Variants in PTPRD observed in about 807,000 individuals in gnomAD.
PTPRD encodes the protein protein tyrosine phosphatase receptor type D.
A neutral mutation model predicts 214.5 loss-of-function variants in PTPRD; 34 were observed. That is an observed-to-expected ratio of 0.16 (90% confidence interval 0.12 to 0.21). The LOEUF (loss-of-function observed/expected upper bound fraction) is 0.21, where lower values mean the gene tolerates loss of function less well. Ranked by LOEUF, PTPRD falls within the 10% of genes least tolerant of loss-of-function variation. The pLI, the probability that PTPRD is intolerant of heterozygous loss-of-function variation, is 1.00. For missense variants in PTPRD, 2,545 were observed against 2,398.7 expected (o/e 1.06, Z -1.27); for synonymous variants, 1,128 against 845.7 (o/e 1.33, Z -5.79).
intron 14 of PTPRD, among the ~76,000 whole-genome samples, chr9:8,611,266 G>C (rs1273285776): frequency 1.3e-5 from 2 of 152,128 alleles, no homozygotes; most frequent in African/African-American, 4.8e-5. Context: ...CTAATCAGAG[G>C]ATATATATTT....
chr9:9,937,783 C>T (rs943840706), intron 5 of PTPRD, among the ~76,000 whole-genome samples: 1 of 152,100 alleles, frequency 6.6e-6, no homozygotes, highest in African/African-American at 2.4e-5. Context: ...CCATGTAGTT[C>T]TTACAGTGTA....
chr9:10,104,513 T>C (rs1339095395), intron 3 of PTPRD, among the ~76,000 whole-genome samples: 1 of 151,760 alleles, frequency 6.6e-6, no homozygotes, highest in South Asian at 2.1e-4. Flanking sequence ...AATATGATTA[T>C]GTAACTCATA....
At chr9:8,546,008 C>G (rs1001884655) in intron 14 of PTPRD, among the ~76,000 whole-genome samples, 1 of 152,156 alleles carries the variant, frequency 6.6e-6, no homozygotes, top group Non-Finnish European at 1.5e-5. Flanking sequence ...CTTTAGTTTT[C>G]ATAAGAAGAT....
At chr9:9,915,742 C>A (rs1301702748) in intron 5 of PTPRD, among the ~76,000 whole-genome samples, 3 of 151,410 alleles carry the variant, frequency 2.0e-5, no homozygotes, top group Admixed American at 6.6e-5. Context: ...TATGGGAGAT[C>A]ATTAAGTGAA....
chr9:8,640,431 G>A (rs1006711441), intron 12 of PTPRD, among the ~76,000 whole-genome samples: 1 of 151,820 alleles, frequency 6.6e-6, no homozygotes, highest in African/African-American at 2.4e-5. Flanking sequence ...ACCAAGTCAT[G>A]GAATGAAATT....
intron 3 of PTPRD, among the ~76,000 whole-genome samples, chr9:10,307,390 A>G (rs914485712): frequency 2.6e-5 from 4 of 152,086 alleles, no homozygotes; most frequent in Non-Finnish European, 5.9e-5. Flanking sequence ...CCATGTTGCT[A>G]TAAATGACAG....
chr9:10,043,483 T>G (rs970856107), intron 3 of PTPRD, among the ~76,000 whole-genome samples: 4 of 151,890 alleles, frequency 2.6e-5, no homozygotes, highest in African/African-American at 9.7e-5. Flanking sequence ...CTTAGAGATC[T>G]TTGCCTTCTC....
chr9:9,177,437 C>A (rs1170823683), intron 10 of PTPRD, among the ~76,000 whole-genome samples: 2 of 152,028 alleles, frequency 1.3e-5, no homozygotes, highest in African/African-American at 2.4e-5. Flanking sequence ...TAGAAGTGAA[C>A]TGATAAGTAC....
At chr9:8,535,387 A>T (rs1367414072) in intron 14 of PTPRD, among the ~76,000 whole-genome samples, 1 of 151,970 alleles carries the variant, frequency 6.6e-6, no homozygotes, top group African/African-American at 2.4e-5. Flanking sequence ...TGCAAAGCCA[A>T]TAAATACCCT....
At chr9:8,380,625 C>G (rs1259580510) in intron 37 of PTPRD, among the ~76,000 whole-genome samples, 1 of 152,132 alleles carries the variant, frequency 6.6e-6, no homozygotes, top group Non-Finnish European at 1.5e-5. Flanking sequence ...TTTATTTTAC[C>G]TTTTTCATGA....
At chr9:10,295,365 G>A (rs1402361725) in intron 3 of PTPRD, among the ~76,000 whole-genome samples, 1 of 152,056 alleles carries the variant, frequency 6.6e-6, no homozygotes, top group East Asian at 1.9e-4. Context: ...ATTAAAACCT[G>A]AGGTGATTGC....
chr9:9,407,762 C>G (rs923358095), intron 8 of PTPRD, among the ~76,000 whole-genome samples: 1 of 151,778 alleles, frequency 6.6e-6, no homozygotes, highest in Non-Finnish European at 1.5e-5. Flanking sequence ...AATTATCTAA[C>G]ACACATAAAC....
At chr9:9,951,756 A>C (rs1440272057) in intron 4 of PTPRD, among the ~76,000 whole-genome samples, 1 of 152,264 alleles carries the variant, frequency 6.6e-6, no homozygotes. Context: ...AGGAGGAAAC[A>C]GATTATACAT....
chr9:9,796,478 A>C (rs946099884), intron 5 of PTPRD, among the ~76,000 whole-genome samples: 2 of 152,240 alleles, frequency 1.3e-5, no homozygotes, highest in Middle Eastern at 6.8e-3. Flanking sequence ...AGTCATGTAA[A>C]TTTGAAGAAA....
intron 11 of PTPRD, among the ~76,000 whole-genome samples, chr9:8,831,277 T>C (rs755201167): frequency 7.2e-5 from 11 of 152,234 alleles, no homozygotes; most frequent in South Asian, 6.2e-4. Flanking sequence ...TTGTTAGGTC[T>C]ACCTCTTGAA....
chr9:10,035,617 G>T (rs2097166497), intron 3 of PTPRD, among the ~76,000 whole-genome samples: 1 of 151,676 alleles, frequency 6.6e-6, no homozygotes, highest in Admixed American at 6.6e-5. Context: ...CCCTATCTAG[G>T]TTGACGCTTG....
chr9:10,357,363 T>G (rs1460727364), intron 2 of PTPRD, among the ~76,000 whole-genome samples: 1 of 152,208 alleles, frequency 6.6e-6, no homozygotes, highest in African/African-American at 2.4e-5. Flanking sequence ...TTGATAATAA[T>G]TGGCACTATT....
At chr9:8,442,065 G>C (rs1033542883) in intron 34 of PTPRD, among the ~76,000 whole-genome samples, 9 of 152,168 alleles carry the variant, frequency 5.9e-5, no homozygotes, top group African/African-American at 1.9e-4. Flanking sequence ...CTGTTTCAGT[G>C]GTGGGGAAGA....
intron 34 of PTPRD, among the ~76,000 whole-genome samples, chr9:8,440,689 G>T (rs1209470664): frequency 6.6e-6 from 1 of 152,168 alleles, no homozygotes; most frequent in African/African-American, 2.4e-5. Flanking sequence ...ACAATATAGA[G>T]TCAACATGAA....
Sources: gnomAD v4.1 joint callset for allele counts (sites outside exome capture counted in the v4.1 genomes callset) on GRCh38, gnomAD v4.1.1 for gene constraint, MANE v1.5 for transcripts, NCBI Gene and HGNC (gene_info 2026-07-23, HGNC 2026-07-21) for gene names.